Variants in XRN2 observed in about 807,000 individuals in gnomAD.
The protein encoded by XRN2 is 5'-3' exoribonuclease 2, also known as DHM1-like protein.
Under a neutral mutation model 138.5 loss-of-function variants are expected in XRN2, and 44 were observed. That is an observed-to-expected ratio of 0.32 (90% CI 0.25 to 0.41). The LOEUF (loss-of-function observed/expected upper bound fraction) is 0.41. XRN2 is among the 10% of genes least tolerant of loss of function. XRN2 has a pLI of 1.00. For missense variants in XRN2, 937 were observed against 1,169.3 expected (o/e 0.80, Z 2.90); for synonymous variants, 354 against 369.4 (o/e 0.96, Z 0.48).
At chr20:21,310,120 T>G (rs1490838906) in intron 1 of XRN2, among the ~76,000 whole-genome samples, 3 of 152,212 alleles carry the variant, frequency 2.0e-5, no homozygotes. Flanking sequence ...GTTTAAACAG[T>G]GTGCCACAAA....
At chr20:21,315,261 A>G (rs573885899) in intron 1 of XRN2, among the ~76,000 whole-genome samples, 1 of 152,328 alleles carries the variant, frequency 6.6e-6, no homozygotes, top group Non-Finnish European at 1.5e-5. Context: ...TTTGAGAACT[A>G]TGAGCAAGAA....
chr20:21,332,195 T>G, intron 8 of XRN2, 88 bp from the exon 9 acceptor site: 1 of 1,486,164 alleles, frequency 6.7e-7, no homozygotes, highest in African/African-American at 1.4e-5. Flanking sequence ...TTTGGGCTTT[T>G]CTTTGTGTTG....
chr20:21,338,403 C>T (rs535979224), intron 13 of XRN2, among the ~76,000 whole-genome samples: 14 of 152,306 alleles, frequency 9.2e-5, no homozygotes, highest in Admixed American at 1.3e-4. Flanking sequence ...GCTGGACCCT[C>T]TCCTGTGAAT....
intron 24 of XRN2, among the ~76,000 whole-genome samples, chr20:21,360,419 T>C (rs2038624342): frequency 2.0e-5 from 3 of 152,128 alleles, no homozygotes. Context: ...TTATACAGTT[T>C]TTATATATGT....
At chr20:21,372,663 T>C (rs1030955097) in intron 27 of XRN2, among the ~76,000 whole-genome samples, 3 of 152,194 alleles carry the variant, frequency 2.0e-5, no homozygotes, top group Admixed American at 6.5e-5. Context: ...TTTTTACATA[T>C]AGTTTTTTAT....
rs2038890682 is a variant in XRN2, at chr20:21,382,006, A to G, written c.2597A>G (p.Gln866Arg). 1.9e-6 allele frequency: 3 copies of G among 1,609,330 alleles called. No homozygotes were observed. The South Asian group carries it at 3.3e-5, about 18-fold the overall frequency. ...IPKLMSNMRP[Q>R]DSWRGPPPLF... ...GTTTCTTTTTCAGATATGAGGCCCCAGGATTCCTGGCGAGGTCCTCCTCCC... is the reference window on the plus strand; with the variant it reads ...GTTTCTTTTTCAGATATGAGGCCCCGGGATTCCTGGCGAGGTCCTCCTCCC... Residue 866 changes from glutamine (Q) to arginine (R), a missense_variant, in exon 28 of 30, where the codon CAG becomes CGG. Gln to Arg is a conservative substitution (Grantham distance 43). Around this residue, in one of 6 missense-constraint regions of XRN2, gnomAD observed 372 missense variants for 414.4 expected, o/e 0.90. Coordinates refer to ENST00000377191, the MANE Select transcript of XRN2 (RefSeq NM_012255.5).
At position 21,305,552 on chromosome 20, in the gene XRN2, C is replaced by G. The variant is rs112565821; in HGVS notation, c.75+2079C>G. Among the ~76,000 whole-genome samples, 19 of 28,936 alleles carry G rather than the reference C, an allele frequency of 6.6e-4. 6 individuals carry two copies. Among genetic ancestry groups the G allele is most frequent in the African/African-American group, 1.2e-3 (19 of 16,408 alleles). The allele number at this position is 28,936 out of a possible 152,430, so 19.0% of individuals were successfully genotyped here. On this transcript the variant is annotated intron_variant, in intron 1 of 29. Transcript: ENST00000377191. ...TACAGGCATGAGCCACCATACGTGG[C>G]CTTTTTTTTTTTTTTTTTTTTTTTG...
chr20:21,379,260 T>G (rs1451756985), intron 27 of XRN2, among the ~76,000 whole-genome samples: 1 of 152,210 alleles, frequency 6.6e-6, no homozygotes, highest in Admixed American at 6.5e-5. Context: ...ATTTTTTTTC[T>G]TCCTCTCAAA....
rs137880929 is a variant in XRN2, at chr20:21,379,035, C to T, written c.2585-2959C>T. ...AGTCTGTAAACTTGTCAATTAGCCACGTTGAAAAGTGATTTTTGACTAGTG... is the reference window on the plus strand; with the variant it reads ...AGTCTGTAAACTTGTCAATTAGCCATGTTGAAAAGTGATTTTTGACTAGTG... On this transcript the variant is annotated intron_variant, in intron 27 of 29. Coordinates refer to ENST00000377191, the MANE Select transcript of XRN2 (RefSeq NM_012255.5). Among the ~76,000 whole-genome samples the T allele has an allele frequency of 3.9e-5, 6 of 152,284 alleles. No individual in the cohort carries two copies. In the East Asian group the frequency reaches 7.7e-4, roughly 20 times the overall value.
chr20:21,382,101 C>T (rs1394903051), intron 28 of XRN2, 44 bp downstream of exon 28: 5 of 1,544,996 alleles, frequency 3.2e-6, no homozygotes, highest in Non-Finnish European at 4.4e-6. Context: ...TTTCTGACAC[C>T]AACATTTGGG....
chr20:21,386,086 A>T (rs1448550773), intron 28 of XRN2, among the ~76,000 whole-genome samples: 1 of 152,216 alleles, frequency 6.6e-6, no homozygotes, highest in Non-Finnish European at 1.5e-5. Context: ...TTAAGTTATG[A>T]TTTAGTACAT....
intron 24 of XRN2, among the ~76,000 whole-genome samples, chr20:21,358,720 C>A (rs1246354134): frequency 3.9e-5 from 6 of 152,098 alleles, no homozygotes; most frequent in African/African-American, 1.4e-4. Context: ...ACTGTGAATT[C>A]GAAAAATCTT....
At chr20:21,321,268 G>A (rs923506742) in intron 1 of XRN2, among the ~76,000 whole-genome samples, 2 of 146,870 alleles carry the variant, frequency 1.4e-5, no homozygotes, top group Non-Finnish European at 3.0e-5. Context: ...GTCCCGAATT[G>A]CTCTGATTAT....
intron 20 of XRN2, among the ~76,000 whole-genome samples, chr20:21,353,159 A>T (rs1253579342): frequency 8.2e-5 from 12 of 146,276 alleles, no homozygotes; most frequent in East Asian, 2.0e-4. Flanking sequence ...TATTTAATAT[A>T]TAATATAATA....
chr20:21,383,969 A>G (rs573738619), intron 28 of XRN2, among the ~76,000 whole-genome samples: 43 of 152,378 alleles, frequency 2.8e-4, no homozygotes, highest in African/African-American at 8.9e-4. Flanking sequence ...TTCCAGAACC[A>G]GGTTTTACCA....
At chr20:21,322,732 C>T (rs536399510) in intron 1 of XRN2, among the ~76,000 whole-genome samples, 1 of 152,262 alleles carries the variant, frequency 6.6e-6, no homozygotes, top group East Asian at 1.9e-4. Flanking sequence ...ATCTTTACTT[C>T]TTTAAATACC....
chr20:21,341,761 C>G (rs980076770), intron 15 of XRN2, among the ~76,000 whole-genome samples: 1 of 152,130 alleles, frequency 6.6e-6, no homozygotes, highest in Non-Finnish European at 1.5e-5. Flanking sequence ...ATAGCTGATG[C>G]CCATCATTCA....
intron 22 of XRN2, 69 bp downstream of exon 22, chr20:21,356,246 A>C: frequency 8.1e-7 from 1 of 1,227,536 alleles, no homozygotes; most frequent in South Asian, 1.4e-5. Context: ...CATAACATAA[A>C]ATTTACCATT....
At position 21,365,686 on chromosome 20, in the gene XRN2, C is replaced by A; in HGVS notation, c.2438C>A (p.Ala813Glu). The change falls in exon 26 of 30, where the codon GCA (alanine) becomes GAA (glutamate). Residue 813 changes from alanine to glutamate, a missense_variant. Ala to Glu is a moderately radical substitution (Grantham distance 107). Transcript: ENST00000377191. The part of the protein sequence containing the change: ...RDRRPVHLDQ[A>E]AFRTLGHVMP... The stretch of plus-strand genomic sequence containing the variant: ...CGGAGGCCTGTGCACCTGGATCAGG[C>A]AGCCTTCAGGACTTTGGGGTGAGTT... 4 of 1,572,300 alleles carry A rather than the reference C, an allele frequency of 2.5e-6. No homozygotes were observed. The highest frequency in any genetic ancestry group is 3.4e-6 in the Non-Finnish European group (4 of 1,159,754).
Sources: gnomAD v4.1 joint callset for allele counts (sites outside exome capture counted in the v4.1 genomes callset) on GRCh38, gnomAD v4.1.1 for gene constraint, gnomAD v4.1.1 regional missense constraint, MANE v1.5 for transcripts, NCBI Gene and HGNC (gene_info 2026-07-23, HGNC 2026-07-21) for gene names.